Variants in TSEN2 observed in about 807,000 individuals in gnomAD.
TSEN2 encodes the protein tRNA-splicing endonuclease subunit Sen2.
Under a neutral mutation model 59.2 loss-of-function variants are expected in TSEN2, and 54 were observed. The observed-to-expected ratio is 0.91, with a 90% CI of 0.73 to 1.14. The LOEUF (loss-of-function observed/expected upper bound fraction) is 1.14. Ranked by LOEUF, TSEN2 falls within the 50% of genes most tolerant of loss-of-function variation. TSEN2 has a pLI of 0.00. For synonymous variants in TSEN2, 195 were observed against 198.2 expected (o/e 0.98, Z 0.14); for missense variants, 636 against 576.2 (o/e 1.10, Z -1.06).
intron 4 of TSEN2, among the ~76,000 whole-genome samples, chr3:12,502,690 T>TTTTTTTTTTTTTTTTTTTTTG (rs2054410305): frequency 1.8e-5 from 2 of 108,508 alleles, no homozygotes; most frequent in African/African-American, 9.7e-5. Context: ...TTTTTTTTTG[T>TTTTTTTTTTTTTTTTTTTTTG]TTTTTTTTTT....
chr3:12,505,717 G>A (rs1219138459), intron 6 of TSEN2: 1 of 153,946 alleles, frequency 6.5e-6, no homozygotes, highest in African/African-American at 2.5e-5. Context: ...CCGGGAGGTG[G>A]AGGTTGCAGT....
intron 1 of TSEN2, among the ~76,000 whole-genome samples, chr3:12,485,549 T>C (rs1435541908): frequency 1.3e-5 from 2 of 152,188 alleles, no homozygotes; most frequent in African/African-American, 4.8e-5. Flanking sequence ...TGAATAGACC[T>C]TGCTGTTACC....
At chr3:12,492,585 G>A (rs2053330204) in intron 3 of TSEN2, among the ~76,000 whole-genome samples, 1 of 152,074 alleles carries the variant, frequency 6.6e-6, no homozygotes, top group African/African-American at 2.4e-5. Context: ...GTATGTGTGT[G>A]GTTCTCCCTT....
chr3:12,502,274 G>A (rs150808925), intron 4 of TSEN2, among the ~76,000 whole-genome samples: 6 of 152,284 alleles, frequency 3.9e-5, no homozygotes, highest in East Asian at 3.9e-4. Context: ...AGCTGAGAGC[G>A]GTGGCTTACA....
In TSEN2 at chr3:12,489,980, C is replaced by T. The variant is rs1234610507; in HGVS notation, c.180C>T (p.Leu60=). ...IVRNAEDIEQ[L]YGKGYFGKGI... is the part of the protein sequence containing the mutation. ...GGAATGCGGAGGACATTGAGCAGCT[C>T]TATGGGAAAGTAAGTGCAGGCAGCC... Residue 60 remains leucine (L), a synonymous_variant, in exon 2 of 12, where the codon CTC becomes CTT. Transcript: ENST00000284995. 1 of 1,614,006 alleles carries T rather than the reference C, an allele frequency of 6.2e-7. No individual in the cohort carries two copies. The highest frequency in any genetic ancestry group is 8.5e-7 in the Non-Finnish European group (1 of 1,180,012).
At chr3:12,509,992 C>G (rs299657) in intron 6 of TSEN2, among the ~76,000 whole-genome samples, 74,120 of 152,042 alleles carry the variant, frequency 0.49, 18,995 homozygotes, top group African/African-American at 0.61. Context: ...GGATGTCAGG[C>G]TCATGTGTCC....
rs888986108 is a variant in TSEN2, at chr3:12,503,453, G to A, written c.500G>A (p.Gly167Glu). The A allele has an allele frequency of 1.2e-6, 2 of 1,614,112 alleles. No individual in the cohort carries two copies. Among genetic ancestry groups the A allele is most frequent in the African/African-American group, 1.3e-5 (1 of 74,946 alleles). ...TCCAACATGGAAGGCACAGCAGGGG[G>A]AGAGAGACCTTCTGTGGTAAACGGG... ...MVSNMEGTAG[G>E]ERPSVVNGDS... Residue 167 changes from glycine to glutamate, a missense_variant, in exon 5 of 12, where the codon GGA (glycine) becomes GAA (glutamate). Transcript: ENST00000284995.
Position 12,516,622 on chromosome 3 carries a change from G to A in TSEN2, c.921G>A (p.Leu307=). ...TGCTGTATTTTCAGGCCTTTTTCTTGGTCTATGCTCTGGGATGTTTAAGTA... is the reference window on the plus strand; with the variant it reads ...TGCTGTATTTTCAGGCCTTTTTCTTAGTCTATGCTCTGGGATGTTTAAGTA... ...LQLSLEEAFF[L]VYALGCLSIY... is the part of the protein sequence containing the mutation. The change falls in exon 7 of 12, where the codon TTG becomes TTA. Residue 307 remains leucine, a synonymous_variant. Transcript: ENST00000284995. The A allele has an allele frequency of 6.2e-7, 1 of 1,613,710 alleles. No individual in the cohort carries two copies.
chr3:12,504,922 G>A (rs1227361991), intron 5 of TSEN2, among the ~76,000 whole-genome samples: 1 of 152,132 alleles, frequency 6.6e-6, no homozygotes, highest in Admixed American at 6.5e-5. Flanking sequence ...AATTGCTTGA[G>A]TCTAGGAATT....
chr3:12,525,905 C>T (rs1011102252), intron 8 of TSEN2, among the ~76,000 whole-genome samples: 11 of 151,934 alleles, frequency 7.2e-5, no homozygotes, highest in East Asian at 1.9e-4. Context: ...GCGAATAATC[C>T]GTTGCACTAT....
intron 8 of TSEN2, among the ~76,000 whole-genome samples, chr3:12,520,581 G>C (rs929197969): frequency 2.0e-5 from 3 of 152,158 alleles, no homozygotes; most frequent in African/African-American, 7.2e-5. Flanking sequence ...CTTGAGGTCA[G>C]GAGTTTGAGA....
chr3:12,513,552 G>A (rs1193682992), intron 6 of TSEN2, among the ~76,000 whole-genome samples: 3 of 152,172 alleles, frequency 2.0e-5, no homozygotes, highest in African/African-American at 7.2e-5. Context: ...TATAGATGAG[G>A]CATGGAGAAT....
At chr3:12,501,825 A>C (rs1439065238) in intron 4 of TSEN2, among the ~76,000 whole-genome samples, 2 of 152,220 alleles carry the variant, frequency 1.3e-5, no homozygotes, top group African/African-American at 4.8e-5. Flanking sequence ...GGCAAAAAGC[A>C]CTTGAGTTTC....
intron 3 of TSEN2, among the ~76,000 whole-genome samples, chr3:12,493,879 A>G (rs1006631082): frequency 6.6e-6 from 1 of 152,188 alleles, no homozygotes; most frequent in Admixed American, 6.5e-5. Flanking sequence ...TGCTTTTGGT[A>G]TCTATTTAAG....
chr3:12,491,518 G>A (rs1027582163), intron 2 of TSEN2, among the ~76,000 whole-genome samples: 1 of 152,146 alleles, frequency 6.6e-6, no homozygotes, highest in African/African-American at 2.4e-5. Flanking sequence ...CTGTGTTCCC[G>A]AACCATATGT....
chr3:12,524,739 C>CTTTTTTTTTTTTTTTTTTTTTTTTTTTT (rs746602626), intron 8 of TSEN2, among the ~76,000 whole-genome samples: 1 of 131,788 alleles, frequency 7.6e-6, no homozygotes, highest in Non-Finnish European at 1.6e-5. Context: ...TCTTTGGTCT[C>CTTTTTTTTTTTTTTTTTTTTTTTTTTTT]TTTTTTTTTT....
At position 12,492,161 on chromosome 3, in the gene TSEN2, C is replaced by A. The variant is rs1289878587; in HGVS notation, c.215C>A (p.Ser72Ter). Reference protein sequence around the residue: ...GKGYFGKGILSRSRPSFTISD... With the variant: ...GKGYFGKGIL ...GGTTATTTTGGAAAAGGTATTCTTTCAAGAAGCCGTCCAAGCTTCACAATT... is the reference window on the plus strand; with the variant it reads ...GGTTATTTTGGAAAAGGTATTCTTTAAAGAAGCCGTCCAAGCTTCACAATT... The change falls in exon 3 of 12, where the codon TCA (serine) becomes TAA (stop). Residue 72 changes from serine to a stop codon, truncating the protein, a stop_gained. Coordinates refer to ENST00000284995, the MANE Select transcript of TSEN2 (RefSeq NM_025265.4). LOFTEE classifies it high-confidence loss of function. 6.2e-7 allele frequency: 1 copy of A among 1,614,092 alleles called. No homozygotes were observed. The highest frequency in any genetic ancestry group is 2.2e-5 in the East Asian group (1 of 44,870).
At chr3:12,482,087 A>G (rs2052199935), upstream of TSEN2, among the ~76,000 whole-genome samples, 1 of 152,110 alleles carries the variant, frequency 6.6e-6, no homozygotes, top group South Asian at 2.1e-4. Flanking sequence ...GAGAATGCAA[A>G]AGAAATGAGA....
intron 4 of TSEN2, 90 bp from the exon 5 acceptor site, chr3:12,503,172 T>G: frequency 7.0e-7 from 1 of 1,423,262 alleles, no homozygotes; most frequent in Non-Finnish European, 9.9e-7. Context: ...AACATTTTGG[T>G]GTGTCACCTT....
Sources: allele counts gnomAD v4.1 joint callset (sites outside exome capture counted in the v4.1 genomes callset), GRCh38; gene constraint gnomAD v4.1.1; transcripts MANE v1.5; gene names NCBI Gene and HGNC (gene_info 2026-07-23, HGNC 2026-07-21).